CHD9: variants seen among roughly 807,000 people sequenced by gnomAD.
CHD9 encodes the protein ATP-dependent chromatin remodeler CHD9.
Under a neutral mutation model 316.1 loss-of-function variants are expected in CHD9, and 77 were observed. The ratio of observed to expected loss-of-function variants is 0.24; its 90% CI spans 0.20 to 0.29. The LOEUF (loss-of-function observed/expected upper bound fraction) is 0.29. CHD9 is among the 10% of genes least tolerant of loss of function. The pLI is 1.00. For synonymous variants in CHD9, 1,129 were observed against 1,158.3 expected (o/e 0.97, Z 0.51); for missense variants, 2,763 against 3,438.1 (o/e 0.80, Z 4.91).
intron 1 of CHD9, among the ~76,000 whole-genome samples, chr16:53,149,886 C>A (rs1268053254): frequency 6.6e-6 from 1 of 151,642 alleles, no homozygotes; most frequent in South Asian, 2.1e-4. Context: ...TTTTTACTTA[C>A]AGTATTTTGT....
At chr16:53,277,388 G>GT (rs748238012) in intron 24 of CHD9, among the ~76,000 whole-genome samples, 28 of 152,166 alleles carry the variant, frequency 1.8e-4, no homozygotes, top group Non-Finnish European at 3.4e-4. Flanking sequence ...ATCCAGCAAC[G>GT]TATCAAAAAG....
rs573062372 is a variant in CHD9 at position 53,238,346 on chromosome 16, A to G, written c.2637A>G (p.Arg879=). Reference sequence around the variant, plus strand: ...ATAATGTATTTGTTTATTTCAGACGAAACTGCATCTTAGCAGATGAAATGG... The same window carrying G: ...ATAATGTATTTGTTTATTTCAGACGGAACTGCATCTTAGCAGATGAAATGG... The part of the protein sequence containing the change: ...NWLLFNWYNR[R]NCILADEMGL... Residue 879 remains arginine, a synonymous_variant, in exon 12 of 39, where the codon CGA becomes CGG. Coordinates refer to ENST00000447540, the MANE Select transcript of CHD9 (RefSeq NM_001308319.2). The G allele has an allele frequency of 6.2e-7, 1 of 1,610,964 alleles. No individual in the cohort carries two copies.
chr16:53,273,584 T>G (rs2052502323), intron 22 of CHD9, 42 bp from the exon 23 acceptor site: 2 of 1,454,858 alleles, frequency 1.4e-6, no homozygotes, highest in South Asian at 1.4e-5. Flanking sequence ...TTGCAAATTT[T>G]TATACAAATT....
At chr16:53,251,409 G>T (rs2050116857) in intron 17 of CHD9, among the ~76,000 whole-genome samples, 1 of 152,132 alleles carries the variant, frequency 6.6e-6, no homozygotes, top group Non-Finnish European at 1.5e-5. Flanking sequence ...CCTCTCACTT[G>T]TTTTTTCCTA....
intron 1 of CHD9, chr16:53,121,579 T>C (rs62047983): frequency 1.7e-5 from 6 of 358,642 alleles, no homozygotes; most frequent in Non-Finnish European, 3.3e-5. Context: ...TAAGTGGGCC[T>C]ACAAGTGAGA....
intron 2 of CHD9, 27 bp from the exon 3 acceptor site, chr16:53,209,455 C>G: frequency 6.9e-7 from 1 of 1,445,988 alleles, no homozygotes; most frequent in Admixed American, 2.2e-5. Context: ...TTGGTATATT[C>G]TATAAAAAAT....
intron 1 of CHD9, among the ~76,000 whole-genome samples, chr16:53,055,690 C>T (rs1461863044): frequency 6.6e-6 from 1 of 152,142 alleles, no homozygotes; most frequent in African/African-American, 2.4e-5. Context: ...TCCTCCAGTT[C>T]GCCCTCCTCC....
intron 1 of CHD9, among the ~76,000 whole-genome samples, chr16:53,057,049 G>A (rs1175004839): frequency 1.3e-5 from 2 of 152,124 alleles, no homozygotes; most frequent in South Asian, 2.1e-4. Flanking sequence ...GGTGGCTCAT[G>A]CATATAATCC....
At chr16:53,202,610 TC>T (rs949705845) in intron 2 of CHD9, among the ~76,000 whole-genome samples, 48 of 152,206 alleles carry the variant, frequency 3.2e-4, no homozygotes, top group Non-Finnish European at 1.3e-4. Context: ...GTTCCTTTTT[TC>T]CCTGTGCTTC....
At chr16:53,306,475 T>C in intron 32 of CHD9, 78 bp downstream of exon 32, 2 of 1,228,454 alleles carry the variant, frequency 1.6e-6, no homozygotes, top group South Asian at 1.9e-5. Context: ...ATATTCTTAC[T>C]ATGTGGAAAC....
In CHD9 at chr16:53,247,510, C is replaced by T. The variant is rs1240844604; in HGVS notation, c.3665+7C>T. 6.4e-7 allele frequency: 1 copy of T among 1,565,412 alleles called. No individual in the cohort carries two copies. On this transcript the variant is annotated splice_region_variant and intron_variant, in intron 16 of 38. Coordinates refer to ENST00000447540, the MANE Select transcript of CHD9 (RefSeq NM_001308319.2). The stretch of plus-strand genomic sequence containing the variant: ...ACTATCTCATACATAAAAGGTAAAG[C>T]ATACTGAATTTACTGTGAATTATGC...
chr16:53,304,057 G>A lies in CHD9; in HGVS notation c.6051G>A (p.Gln2017=), dbSNP rs762107801. Residue 2017 remains glutamine, a synonymous_variant, in exon 31 of 39, where the codon CAG becomes CAA. Transcript: ENST00000447540. ...CAAGGACTTCTACCCCACTTCTACA[G>A]CAATATCAAGTAGCACTTTCTGCTT... ...AHSRTSTPLL[Q]QYQVALSASP... is the part of the protein sequence containing the mutation. The A allele has an allele frequency of 6.2e-6, 10 of 1,613,966 alleles. No individual in the cohort carries two copies. The highest frequency in any genetic ancestry group is 8.5e-6 in the Non-Finnish European group (10 of 1,179,888).
chr16:53,293,941 G>T (rs563776753), intron 29 of CHD9, among the ~76,000 whole-genome samples: 3 of 150,572 alleles, frequency 2.0e-5, no homozygotes, highest in African/African-American at 7.3e-5. Flanking sequence ...GAGTGAGACC[G>T]TCTCAAAAGA....
intron 2 of CHD9, among the ~76,000 whole-genome samples, chr16:53,163,595 T>C (rs2042074083): frequency 6.6e-6 from 1 of 152,210 alleles, no homozygotes; most frequent in Non-Finnish European, 1.5e-5. Context: ...CCAATGAATA[T>C]GATGCATACA....
At chr16:53,056,766 T>C (rs2032176771) in intron 1 of CHD9, among the ~76,000 whole-genome samples, 1 of 152,170 alleles carries the variant, frequency 6.6e-6, no homozygotes. Flanking sequence ...GCCAGGCAGT[T>C]TTCCAGATGC....
intron 30 of CHD9, among the ~76,000 whole-genome samples, chr16:53,301,607 C>T (rs566871880): frequency 1.3e-4 from 20 of 152,198 alleles, no homozygotes; most frequent in Non-Finnish European, 2.6e-4. Context: ...AGACTGTGCT[C>T]TTCCCACCTT....
intron 1 of CHD9, among the ~76,000 whole-genome samples, chr16:53,075,385 A>C (rs7196988): frequency 6.6e-6 from 1 of 151,402 alleles, no homozygotes; most frequent in Non-Finnish European, 1.5e-5. Flanking sequence ...TGGGAAGGCA[A>C]GATTGGTTTT....
intron 1 of CHD9, among the ~76,000 whole-genome samples, chr16:53,076,667 G>T (rs2034557346): frequency 6.6e-6 from 1 of 151,674 alleles, no homozygotes; most frequent in South Asian, 2.1e-4. Context: ...CCAGCTACTT[G>T]GGAGGCTAAG....
chr16:53,302,940 A>G (rs2055580821), intron 30 of CHD9, among the ~76,000 whole-genome samples: 1 of 152,238 alleles, frequency 6.6e-6, no homozygotes, highest in Non-Finnish European at 1.5e-5. Flanking sequence ...AAACTGAACT[A>G]TCTCAAGCTA....
Sources: gnomAD v4.1 joint callset for allele counts (sites outside exome capture counted in the v4.1 genomes callset) on GRCh38, gnomAD v4.1.1 for gene constraint, MANE v1.5 for transcripts, NCBI Gene and HGNC (gene_info 2026-07-23, HGNC 2026-07-21) for gene names.